CNTN1: variants seen among roughly 807,000 people sequenced by gnomAD.
CNTN1 encodes contactin 1.
Under a neutral mutation model 126.4 loss-of-function variants are expected in CNTN1, and 38 were observed. The observed-to-expected ratio is 0.30, with a 90% confidence interval of 0.23 to 0.39. The LOEUF (loss-of-function observed/expected upper bound fraction) is 0.39, where lower values mean the gene tolerates loss of function less well. CNTN1 is among the 10% of genes least tolerant of loss of function. The pLI is 1.00. For missense variants in CNTN1, 1,009 were observed against 1,248.4 expected (o/e 0.81, Z 2.89); for synonymous variants, 413 against 422.6 (o/e 0.98, Z 0.28).
At chr12:40,753,785 A>T (rs1330343433) in intron 1 of CNTN1, among the ~76,000 whole-genome samples, 1 of 152,116 alleles carries the variant, frequency 6.6e-6, no homozygotes, top group Non-Finnish European at 1.5e-5. Context: ...TAGAAAATTG[A>T]GACTATATAT....
chr12:40,951,210 G>T lies in CNTN1; in HGVS notation c.1683+7040G>T, dbSNP rs190872863. Among the ~76,000 whole-genome samples the T allele has an allele frequency of 1.6e-3, 248 of 152,048 alleles. 1 individual carries two copies. The highest frequency in any genetic ancestry group is 3.0e-3 in the Non-Finnish European group (205 of 67,972). On this transcript the variant is annotated intron_variant, in intron 14 of 23. Transcript: ENST00000551295. ...GTCTTTTGAGTTTTCATTTAAAATG[G>T]CCAGCTGATCAAAATTGGACTCTTC...
intron 6 of CNTN1, among the ~76,000 whole-genome samples, chr12:40,925,638 T>TACACGTATATATATATAG (rs1565962392): frequency 3.5e-5 from 5 of 143,498 alleles, no homozygotes; most frequent in African/African-American, 1.3e-4. Flanking sequence ...TATATATATA[T>TACACGTATATATATATAG]AGAGAGAGAG....
rs1207615060 is a variant in CNTN1, at chr12:41,029,206, A to T, written c.2967A>T (p.Gln989His). ...HSDGGDGVVS[Q>H]VKISGAPTLS... The stretch of plus-strand genomic sequence containing the variant: ...ATGGAGGAGATGGAGTGGTGTCTCA[A>T]GTCAAAATTTCAGGTAAGTGAGTCA... Residue 989 changes from glutamine to histidine, a missense_variant, in exon 23 of 24, where the codon CAA (glutamine) becomes CAT (histidine). By Grantham distance (24) the Gln-to-His change is conservative. Coordinates refer to ENST00000551295, the MANE Select transcript of CNTN1 (RefSeq NM_001843.4). The T allele has an allele frequency of 6.2e-7, 1 of 1,614,056 alleles. No homozygotes were observed. Among genetic ancestry groups the T allele is most frequent in the Admixed American group, 1.7e-5 (1 of 60,002 alleles).
At chr12:40,858,713 A>T (rs890125617) in intron 1 of CNTN1, among the ~76,000 whole-genome samples, 12 of 152,194 alleles carry the variant, frequency 7.9e-5, no homozygotes, top group Middle Eastern at 3.2e-3. Flanking sequence ...AATAGCAAAG[A>T]CAGGGAATCA....
chr12:40,821,922 A>T (rs1362453564), intron 1 of CNTN1, among the ~76,000 whole-genome samples: 1 of 151,848 alleles, frequency 6.6e-6, no homozygotes, highest in East Asian at 1.9e-4. Context: ...TCACTTTTAA[A>T]ATATATTATT....
chr12:40,871,987 T>G (rs1943514340), intron 1 of CNTN1, among the ~76,000 whole-genome samples: 1 of 152,162 alleles, frequency 6.6e-6, no homozygotes, highest in African/African-American at 2.4e-5. Context: ...CTGAATGAGA[T>G]TGGATAGTCT....
intron 23 of CNTN1, among the ~76,000 whole-genome samples, chr12:41,054,124 C>G (rs1286894503): frequency 6.6e-6 from 1 of 151,642 alleles, no homozygotes; most frequent in Non-Finnish European, 1.5e-5. Flanking sequence ...CTTATTGCTA[C>G]TTGATTATTT....
chr12:40,737,884 A>T (rs1937765786), intron 1 of CNTN1, among the ~76,000 whole-genome samples: 1 of 152,108 alleles, frequency 6.6e-6, no homozygotes, highest in African/African-American at 2.4e-5. Context: ...GAAACATCAC[A>T]AATAAAGAGT....
At chr12:41,014,796 A>G (rs1948742210) in intron 18 of CNTN1, among the ~76,000 whole-genome samples, 1 of 152,142 alleles carries the variant, frequency 6.6e-6, no homozygotes, top group African/African-American at 2.4e-5. Context: ...ATTTTATTAC[A>G]GTTTCGTGAG....
chr12:40,849,816 A>C (rs368390529), intron 1 of CNTN1, among the ~76,000 whole-genome samples: 2 of 152,176 alleles, frequency 1.3e-5, no homozygotes, highest in South Asian at 4.1e-4. Context: ...AATAAGGAAA[A>C]GACTCTTTTT....
At chr12:40,854,724 G>A (rs1347800176) in intron 1 of CNTN1, among the ~76,000 whole-genome samples, 1 of 152,122 alleles carries the variant, frequency 6.6e-6, no homozygotes, top group Non-Finnish European at 1.5e-5. Flanking sequence ...ACTCAGAGTA[G>A]GAGAGCCAAG....
At chr12:40,793,969 G>GA (rs1451823927) in intron 1 of CNTN1, among the ~76,000 whole-genome samples, 2 of 15,726 alleles carry the variant, frequency 1.3e-4, no homozygotes, top group Admixed American at 2.4e-3. Context: ...GGTGGTAAGG[G>GA]GGAACTCATT....
At chr12:40,998,016 A>T (rs537529697) in intron 17 of CNTN1, among the ~76,000 whole-genome samples, 1 of 152,250 alleles carries the variant, frequency 6.6e-6, no homozygotes, top group Non-Finnish European at 1.5e-5. Context: ...TAAAAAGGAG[A>T]AACCAGGAGG....
chr12:40,722,512 A>G (rs1013056935), intron 1 of CNTN1, among the ~76,000 whole-genome samples: 3 of 152,192 alleles, frequency 2.0e-5, no homozygotes, highest in African/African-American at 7.2e-5. Flanking sequence ...AGCCACTTGT[A>G]GTTTATTGAG....
At chr12:40,732,566 T>C (rs1942526824) in intron 1 of CNTN1, among the ~76,000 whole-genome samples, 1 of 152,052 alleles carries the variant, frequency 6.6e-6, no homozygotes, top group African/African-American at 2.4e-5. Flanking sequence ...TTTTCTCCTC[T>C]AGTGCATAGA....
At chr12:41,020,640 T>C (rs1001349940) in intron 20 of CNTN1, among the ~76,000 whole-genome samples, 200 bp downstream of exon 20, 7 of 152,220 alleles carry the variant, frequency 4.6e-5, no homozygotes, top group African/African-American at 1.7e-4. Context: ...CTAGGGGAGA[T>C]GTAAAGAAAC....
chr12:40,980,854 G>A, intron 15 of CNTN1, 55 bp from the exon 16 acceptor site: 2 of 1,499,594 alleles, frequency 1.3e-6, no homozygotes, highest in South Asian at 1.1e-5. Flanking sequence ...ATTCTAATGT[G>A]TGTTTGACTC....
At position 40,871,186 on chromosome 12, in the gene CNTN1, GAAAAAAAAAAAAAAAAAAA is replaced by G. The variant is rs201485882; in HGVS notation, c.-76-37161_-76-37143del. ...AGTAGTGACTTGGATCTGTTACAGAGAAAAAAAAAAAAAAAAAAAAAAAAAAAACAGAAGAAGCAGCTAG... is the reference window on the plus strand; with the variant it reads ...AGTAGTGACTTGGATCTGTTACAGAGAAAAAAAAACAGAAGAAGCAGCTAG... On this transcript the variant is annotated intron_variant, in intron 1 of 23. Transcript: ENST00000551295. 4.4e-5 allele frequency among the ~76,000 whole-genome samples: 5 copies of G among 113,550 alleles called. 1 individual carries two copies. Among genetic ancestry groups the G allele is most frequent in the African/African-American group, 8.4e-5 (3 of 35,906 alleles). 74.5% of individuals were successfully genotyped at this position (113,550 alleles called of 152,430 possible). A position where few individuals can be genotyped will look rare whatever the true frequency, so the allele number is the denominator to read the frequency against.
chr12:40,999,440 T>G (rs1012183741), intron 17 of CNTN1, among the ~76,000 whole-genome samples: 1 of 152,130 alleles, frequency 6.6e-6, no homozygotes, highest in African/African-American at 2.4e-5. Context: ...TTAGGGTGAT[T>G]TACTTCCCTG....
Sources: gnomAD v4.1 joint callset for allele counts (sites outside exome capture counted in the v4.1 genomes callset) on GRCh38, gnomAD v4.1.1 for gene constraint, MANE v1.5 for transcripts, NCBI Gene and HGNC (gene_info 2026-07-23, HGNC 2026-07-21) for gene names.